The following FBXO33 variants were observed in gnomAD, a reference collection of about 807,000 sequenced individuals.
The protein encoded by FBXO33 is F-box protein 33.
Under a neutral mutation model 46.3 loss-of-function variants are expected in FBXO33, and 22 were observed. That is an observed-to-expected ratio of 0.48 (90% CI 0.34 to 0.68). FBXO33 has a LOEUF of 0.68. FBXO33 is among the 30% of genes least tolerant of loss of function. The pLI, the probability that FBXO33 is intolerant of heterozygous loss-of-function variation, is 0.01. For missense variants in FBXO33, 692 were observed against 708.8 expected, an observed-to-expected ratio of 0.98 and a Z score of 0.27; for synonymous variants, 337 against 291.3, an observed-to-expected ratio of 1.16 and a Z score of -1.60.
At chr14:39,403,935 G>A (rs989593591) in intron 1 of FBXO33, among the ~76,000 whole-genome samples, 4 of 151,800 alleles carry the variant, frequency 2.6e-5, no homozygotes, top group Admixed American at 2.6e-4. Flanking sequence ...CTGAGTAGCT[G>A]GGACCACAGG....
At chr14:39,425,565 C>T (rs1179710628) in intron 1 of FBXO33, among the ~76,000 whole-genome samples, 5 of 152,196 alleles carry the variant, frequency 3.3e-5, no homozygotes, top group African/African-American at 1.2e-4. Context: ...ATGAAATTCT[C>T]TTGGGCTGGT....
At chr14:39,412,174 T>C (rs1425151484) in intron 1 of FBXO33, among the ~76,000 whole-genome samples, 1 of 152,242 alleles carries the variant, frequency 6.6e-6, no homozygotes, top group African/African-American at 2.4e-5. Context: ...TCTTATTTTA[T>C]TATTGTATTG....
intron 1 of FBXO33, among the ~76,000 whole-genome samples, chr14:39,425,001 G>A (rs1340274992): frequency 2.6e-5 from 4 of 151,978 alleles, no homozygotes; most frequent in African/African-American, 9.7e-5. Flanking sequence ...GCAGTGAGCC[G>A]AGATCATGCC....
At chr14:39,422,500 C>T (rs1567078115) in intron 1 of FBXO33, among the ~76,000 whole-genome samples, 1 of 152,202 alleles carries the variant, frequency 6.6e-6, no homozygotes, top group Non-Finnish European at 1.5e-5. Flanking sequence ...GATGACACCT[C>T]ATCTAAGAGT....
At position 39,401,585 on chromosome 14, in the gene FBXO33, G is replaced by C; in HGVS notation, c.987C>G (p.Ser329Arg). The C allele has an allele frequency of 6.2e-7, 1 of 1,614,182 alleles. No individual in the cohort carries two copies. The change falls in exon 3 of 4, where the codon AGC becomes AGG. Residue 329 changes from serine (S) to arginine (R), a missense_variant. Physicochemically the swap from Ser to Arg is moderately radical, Grantham distance 110. This residue lies in a region of FBXO33 where 186 missense variants were observed against 246.1 expected (regional missense o/e 0.76). Coordinates refer to ENST00000298097, the MANE Select transcript of FBXO33 (RefSeq NM_203301.4). ...TAEMARVLTD[S>R]NHVPLQRLSL... ...ACAGTCGTTGCAAAGGCACATGGTTGCTATCAGTTAAGACTCTTGCCATCT... is the reference window on the plus strand; with the variant it reads ...ACAGTCGTTGCAAAGGCACATGGTTCCTATCAGTTAAGACTCTTGCCATCT...
chr14:39,407,988 C>T (rs2075406706), intron 1 of FBXO33, among the ~76,000 whole-genome samples: 1 of 152,162 alleles, frequency 6.6e-6, no homozygotes, highest in Admixed American at 6.5e-5. Flanking sequence ...GTTGCCAAGG[C>T]TGGAGTGCAG....
chr14:39,418,916 G>T (rs574520717), intron 1 of FBXO33, among the ~76,000 whole-genome samples: 6 of 152,228 alleles, frequency 3.9e-5, no homozygotes, highest in Admixed American at 2.6e-4. Flanking sequence ...CATTCAAAGG[G>T]AACTGAACAA....
At chr14:39,429,006 T>C (rs535656702) in intron 1 of FBXO33, among the ~76,000 whole-genome samples, 2 of 152,290 alleles carry the variant, frequency 1.3e-5, no homozygotes, top group Admixed American at 6.5e-5. Context: ...TCTTTATCCT[T>C]ATTAGTTGTT....
intron 1 of FBXO33, among the ~76,000 whole-genome samples, chr14:39,429,453 G>A (rs979902896): frequency 6.6e-6 from 1 of 152,212 alleles, no homozygotes; most frequent in Non-Finnish European, 1.5e-5. Flanking sequence ...GATAAACAAT[G>A]TGGTTTAAAA....
At chr14:39,428,248 C>T (rs2075525472) in intron 1 of FBXO33, among the ~76,000 whole-genome samples, 1 of 152,070 alleles carries the variant, frequency 6.6e-6, no homozygotes, top group Non-Finnish European at 1.5e-5. Flanking sequence ...CTCTGTCACC[C>T]AGGATGGAGT....
chr14:39,431,748 G>C lies in FBXO33; in HGVS notation c.415C>G (p.Leu139Val), dbSNP rs2075555448. The C allele has an allele frequency of 6.2e-7, 1 of 1,612,930 alleles. No homozygotes were observed. The highest frequency in any genetic ancestry group is 8.5e-7 in the Non-Finnish European group (1 of 1,179,978). The change falls in exon 1 of 4, where the codon CTG (leucine) becomes GTG (valine). Residue 139 changes from leucine (L) to valine (V), a missense_variant. Physicochemically the swap from Leu to Val is conservative, Grantham distance 32 (BLOSUM62 1). Around this residue, in one of 3 missense-constraint regions of FBXO33, gnomAD observed 412 missense variants for 370.8 expected, o/e 1.11. Coordinates refer to ENST00000298097, the MANE Select transcript of FBXO33 (RefSeq NM_203301.4). Reference sequence around the variant, plus strand: ...TTCTCGGCGGCGAATTCAACACGCAGCTCTCGCACGAACCAGCCGCACTTG... The same window carrying C: ...TTCTCGGCGGCGAATTCAACACGCACCTCTCGCACGAACCAGCCGCACTTG... ...MRKCGWFVRE[L>V]RVEFAAENYL...
At chr14:39,430,100 A>G (rs944745321) in intron 1 of FBXO33, among the ~76,000 whole-genome samples, 3 of 152,224 alleles carry the variant, frequency 2.0e-5, no homozygotes, top group Non-Finnish European at 4.4e-5. Context: ...CCTTGGTCTC[A>G]TTAGTAAGTG....
intron 1 of FBXO33, among the ~76,000 whole-genome samples, chr14:39,409,455 T>C (rs1485730973): frequency 6.6e-6 from 1 of 152,214 alleles, no homozygotes; most frequent in Non-Finnish European, 1.5e-5. Context: ...ATCTTTATGC[T>C]AGCACAATAC....
At chr14:39,431,535 G>C in intron 1 of FBXO33, 29 bp downstream of exon 1, 1 of 1,607,044 alleles carries the variant, frequency 6.2e-7, no homozygotes, top group Non-Finnish European at 8.5e-7. Flanking sequence ...CCCCGTTACC[G>C]GGCGGGGCGG....
intron 1 of FBXO33, among the ~76,000 whole-genome samples, chr14:39,405,911 C>T (rs2139404327): frequency 1.1e-5 from 1 of 92,586 alleles, no homozygotes; most frequent in East Asian, 2.8e-4. Context: ...TAAATCTAAT[C>T]AACTTGACAT....
intron 1 of FBXO33, among the ~76,000 whole-genome samples, chr14:39,419,142 G>C (rs185840601): frequency 6.6e-6 from 1 of 152,172 alleles, no homozygotes; most frequent in African/African-American, 2.4e-5. Context: ...AGAGAATCGA[G>C]GTTTTAACTT....
chr14:39,419,884 T>A (rs546789306), intron 1 of FBXO33, among the ~76,000 whole-genome samples: 8 of 152,350 alleles, frequency 5.3e-5, no homozygotes, highest in South Asian at 4.1e-4. Flanking sequence ...AGTCCCTATG[T>A]AAATCCTAAA....
chr14:39,412,059 A>G (rs1157917530), intron 1 of FBXO33, among the ~76,000 whole-genome samples: 1 of 152,254 alleles, frequency 6.6e-6, no homozygotes, highest in South Asian at 2.1e-4. Flanking sequence ...TGTTCTGTAT[A>G]TGTCTGTTAG....
intron 1 of FBXO33, among the ~76,000 whole-genome samples, chr14:39,409,529 G>C (rs1380217927): frequency 1.3e-5 from 2 of 152,146 alleles, no homozygotes; most frequent in African/African-American, 2.4e-5. Context: ...CTCCAGCTTT[G>C]TTCTTTTTCA....
Sources: gnomAD v4.1 joint callset for allele counts (sites outside exome capture counted in the v4.1 genomes callset) on GRCh38, gnomAD v4.1.1 for gene constraint, gnomAD v4.1.1 regional missense constraint, MANE v1.5 for transcripts, NCBI Gene and HGNC (gene_info 2026-07-23, HGNC 2026-07-21) for gene names.